The following RAB43 variants were observed in gnomAD, a reference collection of about 807,000 sequenced individuals.
RAB43 encodes the protein ras-related protein Rab-43.
A neutral mutation model predicts 18.8 loss-of-function variants in RAB43; 6 were observed. The observed-to-expected ratio is 0.32, with a 90% CI of 0.17 to 0.63. The LOEUF (loss-of-function observed/expected upper bound fraction) is 0.63. RAB43 is among the 30% of genes least tolerant of loss of function. The probability of loss-of-function intolerance (pLI) is 0.79; values close to 1 mark genes in which losing one functional copy is unlikely to be tolerated. For missense variants in RAB43, 195 were observed against 289.1 expected (o/e 0.67, Z 2.36); for synonymous variants, 103 against 124.1 (o/e 0.83, Z 1.13).
chr3:129,094,803 C>T (rs1414001106), intron 2 of RAB43, among the ~76,000 whole-genome samples, 183 bp downstream of exon 2: 1 of 152,098 alleles, frequency 6.6e-6, no homozygotes, highest in Non-Finnish European at 1.5e-5. Context: ...AGGCGTGAGC[C>T]ACCGTGCCCG....
At position 129,095,578 on chromosome 3, in the gene RAB43, C is replaced by T. The variant is rs1933991786; in HGVS notation, c.205-409G>A. ...AGTAGGCACGGCCAGGTACCCTCCC[C>T]TACAAGAGCATCACGTACCCAGCTG... On this transcript the variant is annotated intron_variant, in intron 1 of 2. Transcript: ENST00000315150. This position sits in a 1 kb window ranked among gnomAD's most constrained non-coding sequence, Gnocchi z 4.2. Among the ~76,000 whole-genome samples the T allele has an allele frequency of 6.6e-6, 1 of 152,216 alleles. No individual in the cohort carries two copies. Among genetic ancestry groups the T allele is most frequent in the Admixed American group, 6.5e-5 (1 of 15,288 alleles).
At chr3:129,094,765 C>T (rs1209108456) in intron 2 of RAB43, among the ~76,000 whole-genome samples, 1 of 152,042 alleles carries the variant, frequency 6.6e-6, no homozygotes, top group Non-Finnish European at 1.5e-5. Context: ...GATCCGCCCG[C>T]CTCAGCCTCC....
chr3:129,099,097 T>G (rs1934247315), intron 1 of RAB43, among the ~76,000 whole-genome samples: 1 of 144,080 alleles, frequency 6.9e-6, no homozygotes, highest in South Asian at 2.2e-4. Context: ...TTAAACTTAA[T>G]TTTTTTTTTT....
At chr3:129,110,162 G>A (rs932028689) in intron 1 of RAB43, among the ~76,000 whole-genome samples, 7 of 151,544 alleles carry the variant, frequency 4.6e-5, no homozygotes, top group Non-Finnish European at 1.0e-4. Context: ...TCTTCTTTAG[G>A]TGAAAAAAAC....
chr3:129,121,783 C>T lies in RAB43; in HGVS notation c.-294G>A. 1 of 204,128 alleles carries T rather than the reference C, an allele frequency of 4.9e-6. No individual in the cohort carries two copies. Among genetic ancestry groups the T allele is most frequent in the Non-Finnish European group, 9.7e-6 (1 of 103,032 alleles). The allele number at this position is 204,128 out of a possible 1,614,324, so 12.6% of individuals were successfully genotyped here. A position where few individuals can be genotyped will look rare whatever the true frequency, so the allele number is the denominator to read the frequency against. ...CCTCCGCAAAGCTCCGGCCGGTCCT[C>T]AGCTCCGTGCCACACCAGTCTGGCC... is the stretch of plus-strand genomic sequence containing the variant. On this transcript the variant is annotated 5_prime_UTR_variant, in exon 1 of 3. Transcript: ENST00000315150.
intron 1 of RAB43, among the ~76,000 whole-genome samples, chr3:129,098,927 G>C (rs1934234093): frequency 2.0e-5 from 3 of 151,802 alleles, no homozygotes; most frequent in African/African-American, 7.2e-5. Flanking sequence ...ACAAAAATTA[G>C]CCAGGCATCG....
In RAB43 at chr3:129,091,309, G is replaced by A. The variant is rs1428112485; in HGVS notation, c.426C>T (p.Ser142=). The A allele has an allele frequency of 1.3e-6, 2 of 1,599,908 alleles. No individual in the cohort carries two copies. Among genetic ancestry groups the A allele is most frequent in the Non-Finnish European group, 1.7e-6 (2 of 1,173,286 alleles). The part of the protein sequence containing the change: ...KSDLSELREV[S]LAEAQSLAEH... ...CAGCCAGGCTCTGTGCCTCAGCCAAGGAGACCTCCCGAAGCTCGCTGAGGT... is the reference window on the plus strand; with the variant it reads ...CAGCCAGGCTCTGTGCCTCAGCCAAAGAGACCTCCCGAAGCTCGCTGAGGT... The change falls in exon 3 of 3, where the codon TCC becomes TCT. Residue 142 remains serine, a synonymous_variant. Coordinates refer to ENST00000315150, the MANE Select transcript of RAB43 (RefSeq NM_198490.3).
intron 1 of RAB43, among the ~76,000 whole-genome samples, chr3:129,100,480 C>A (rs1259810874): frequency 6.6e-6 from 1 of 152,194 alleles, no homozygotes; most frequent in Admixed American, 6.6e-5. Flanking sequence ...TATCCTAAGA[C>A]CTTCTGCTAC....
chr3:129,113,466 A>G (rs567179235), intron 1 of RAB43, among the ~76,000 whole-genome samples: 7 of 152,024 alleles, frequency 4.6e-5, no homozygotes, highest in African/African-American at 1.7e-4. Flanking sequence ...ACTCGGCCCT[A>G]GGCTATTTTT....
chr3:129,095,963 G>C lies in RAB43; in HGVS notation c.205-794C>G, dbSNP rs1228953691. 6.6e-6 allele frequency among the ~76,000 whole-genome samples: 1 copy of C among 152,214 alleles called. No homozygotes were observed. Among genetic ancestry groups the C allele is most frequent in the Non-Finnish European group, 1.5e-5 (1 of 68,036 alleles). ...CAGGAGGCTGCCCACTCTGGGCAGAGATCACCAGCCAAGGGGCATATGCCA... is the reference window on the plus strand; with the variant it reads ...CAGGAGGCTGCCCACTCTGGGCAGACATCACCAGCCAAGGGGCATATGCCA... On this transcript the variant is annotated intron_variant, in intron 1 of 2. Transcript: ENST00000315150. This position sits in a 1 kb window ranked among gnomAD's most constrained non-coding sequence, Gnocchi z 4.2.
At chr3:129,109,227 G>C (rs1006852510) in intron 1 of RAB43, among the ~76,000 whole-genome samples, 1 of 151,840 alleles carries the variant, frequency 6.6e-6, no homozygotes, top group Non-Finnish European at 1.5e-5. Flanking sequence ...TGGCTAACAT[G>C]GTGAAACCCC....
intron 1 of RAB43, among the ~76,000 whole-genome samples, chr3:129,114,164 C>T (rs982874629): frequency 5.3e-5 from 8 of 152,160 alleles, no homozygotes; most frequent in South Asian, 4.1e-4. Flanking sequence ...CTGGCCATTC[C>T]GAACACTACC....
At chr3:129,120,146 G>A (rs1031888643) in intron 1 of RAB43, among the ~76,000 whole-genome samples, 1 of 152,202 alleles carries the variant, frequency 6.6e-6, no homozygotes, top group African/African-American at 2.4e-5. Context: ...CATCTACTGA[G>A]AGGCACTGTG....
chr3:129,094,892 T>C (rs1485154629), intron 2 of RAB43, 94 bp downstream of exon 2: 7 of 1,491,634 alleles, frequency 4.7e-6, no homozygotes, highest in Non-Finnish European at 6.3e-6. Flanking sequence ...TGGGACTCCC[T>C]CTGAACTCAG....
At chr3:129,103,767 G>A (rs918408665) in intron 1 of RAB43, among the ~76,000 whole-genome samples, 3 of 152,094 alleles carry the variant, frequency 2.0e-5, no homozygotes, top group African/African-American at 7.2e-5. Context: ...GTTTCACCAT[G>A]TTTGTCAGGC....
chr3:129,096,155 C>T (rs1458449089), intron 1 of RAB43, among the ~76,000 whole-genome samples: 2 of 152,226 alleles, frequency 1.3e-5, no homozygotes, highest in Non-Finnish European at 2.9e-5. Context: ...GTCTCTTTAC[C>T]TAGTTCTCAA....
intron 1 of RAB43, among the ~76,000 whole-genome samples, chr3:129,100,724 C>T (rs1417106206): frequency 6.6e-6 from 1 of 152,142 alleles, no homozygotes; most frequent in Non-Finnish European, 1.5e-5. Flanking sequence ...TACAGGGTAG[C>T]GGTGGTACGC....
At position 129,121,331 on chromosome 3, in the gene RAB43, G is replaced by C; in HGVS notation, c.159C>G (p.Val53=). ...FSERQGSTIG[V]DFTMKTLEIQ... ...TCTCCAGCGTCTTCATGGTGAAGTC[G>C]ACGCCGATGGTGCTTCCCTGGCGCT... The change falls in exon 1 of 3, where the codon GTC becomes GTG. Residue 53 remains valine, a synonymous_variant. Coordinates refer to ENST00000315150, the MANE Select transcript of RAB43 (RefSeq NM_198490.3). 6.2e-7 allele frequency: 1 copy of C among 1,610,050 alleles called. No individual in the cohort carries two copies. Among genetic ancestry groups the C allele is most frequent in the Non-Finnish European group, 8.5e-7 (1 of 1,178,394 alleles).
At chr3:129,096,552 G>A (rs893886297) in intron 1 of RAB43, among the ~76,000 whole-genome samples, 17 of 152,122 alleles carry the variant, frequency 1.1e-4, no homozygotes, top group African/African-American at 2.9e-4. Context: ...GAAAGACACC[G>A]GCCAAACAAC....
Sources: gnomAD v4.1 joint callset for allele counts (sites outside exome capture counted in the v4.1 genomes callset) on GRCh38, gnomAD v4.1.1 for gene constraint, Gnocchi (gnomAD v3.1) non-coding constraint, MANE v1.5 for transcripts, NCBI Gene and HGNC (gene_info 2026-07-23, HGNC 2026-07-21) for gene names.